Variants in KIF1C observed in about 807,000 individuals in gnomAD.
KIF1C encodes kinesin family member 1C.
KIF1C carries 61 observed loss-of-function variants against 126.5 expected under a neutral mutation model. The ratio of observed to expected loss-of-function variants is 0.48; its 90% confidence interval spans 0.39 to 0.60. The LOEUF (loss-of-function observed/expected upper bound fraction) is 0.60. Among genes scored for constraint, KIF1C ranks in the 20% least tolerant of loss-of-function variants. The probability of loss-of-function intolerance (pLI) is 0.00; values close to 1 mark genes in which losing one functional copy is unlikely to be tolerated. For missense variants in KIF1C, 1,315 were observed against 1,489.2 expected (o/e 0.88, Z 1.93); for synonymous variants, 640 against 580.6 (o/e 1.10, Z -1.47).
Position 5,027,168 on chromosome 17 carries a change from G to A in KIF1C, c.*3017G>A, listed in dbSNP as rs921177470. ...TTTTGAGACGGAGTCTCGCTCTGTTGCCTAGGCTGGAGTGCGATGGCACAA... is the reference window on the plus strand; with the variant it reads ...TTTTGAGACGGAGTCTCGCTCTGTTACCTAGGCTGGAGTGCGATGGCACAA... On this transcript the variant is annotated 3_prime_UTR_variant, in exon 23 of 23. Coordinates refer to ENST00000320785, the MANE Select transcript of KIF1C (RefSeq NM_006612.6). The A allele has an allele frequency of 1.3e-4, 20 of 152,128 alleles. No homozygotes were observed. Among genetic ancestry groups the A allele is most frequent in the African/African-American group, 4.6e-4 (19 of 41,410 alleles). The allele number at this position is 152,128 out of a possible 1,614,324, so 9.4% of individuals were successfully genotyped here. A position where few individuals can be genotyped will look rare whatever the true frequency, so the allele number is the denominator to read the frequency against.
In KIF1C at chr17:5,002,933, C is replaced by T. The variant is rs1974637408; in HGVS notation, c.720+91C>T. Reference sequence around the variant, plus strand: ...ATGGTAGAAGGGTCTTGGGCCCTCCCTGCCCATGCTGGGTTGAGTGCCTCC... The same window carrying T: ...ATGGTAGAAGGGTCTTGGGCCCTCCTTGCCCATGCTGGGTTGAGTGCCTCC... On this transcript the variant is annotated intron_variant, in intron 8 of 22. Transcript: ENST00000320785. 25 of 1,031,180 alleles carry T rather than the reference C, an allele frequency of 2.4e-5. No individual in the cohort carries two copies. The South Asian group carries it at 3.5e-4, about 15-fold the overall frequency. 63.9% of individuals were successfully genotyped at this position (1,031,180 alleles called of 1,614,324 possible). A position where few individuals can be genotyped will look rare whatever the true frequency, so the allele number is the denominator to read the frequency against.
At position 5,027,064 on chromosome 17, in the gene KIF1C, C is replaced by G. The variant is rs2143405052; in HGVS notation, c.*2913C>G. ...GCATTTGATTTAGTCTTTAAAGTAC[C>G]CCGGTAAAATAGGTCTTTTGTCTGC... On this transcript the variant is annotated 3_prime_UTR_variant, in exon 23 of 23. Coordinates refer to ENST00000320785, the MANE Select transcript of KIF1C (RefSeq NM_006612.6). The G allele has an allele frequency of 6.6e-6, 1 of 152,210 alleles. No homozygotes were observed. The highest frequency in any genetic ancestry group is 2.4e-5 in the African/African-American group (1 of 41,518). 9.4% of individuals were successfully genotyped at this position (152,210 alleles called of 1,614,324 possible).
intron 16 of KIF1C, among the ~76,000 whole-genome samples, chr17:5,008,427 C>G (rs1235890056): frequency 6.6e-6 from 1 of 152,168 alleles, no homozygotes; most frequent in Non-Finnish European, 1.5e-5. Flanking sequence ...CCAGTTCCAC[C>G]AGGGAACCAG....
At chr17:5,005,075 G>C in intron 13 of KIF1C, 75 bp downstream of exon 13, 1 of 1,589,984 alleles carries the variant, frequency 6.3e-7, no homozygotes, top group East Asian at 2.2e-5. Context: ...CCTTTGCCCA[G>C]TCCTGGAGCC....
At position 5,002,812 on chromosome 17, in the gene KIF1C, T is replaced by C. The variant is rs1974630397; in HGVS notation, c.690T>C (p.His230=). Residue 230 remains histidine, a synonymous_variant, in exon 8 of 23, where the codon CAT becomes CAC. Transcript: ENST00000320785. The stretch of plus-strand genomic sequence containing the variant: ...CCATCGTCTTCACACAGCGCTGCCA[T>C]GACCAGCTCACGGGGCTGGACTCGG... ...VFTIVFTQRC[H]DQLTGLDSEK... 2 of 1,612,380 alleles carry C rather than the reference T, an allele frequency of 1.2e-6. No homozygotes were observed. Among genetic ancestry groups the C allele is most frequent in the South Asian group, 1.1e-5 (1 of 91,026 alleles).
chr17:5,002,312 T>C (rs963665515), intron 6 of KIF1C, 152 bp from the exon 7 acceptor site: 15 of 921,822 alleles, frequency 1.6e-5, no homozygotes, highest in Non-Finnish European at 2.4e-5. Context: ...ACCTCCTGGC[T>C]TGTTGGGCAG....
At chr17:5,021,068 C>T (rs1401274040) in intron 21 of KIF1C, among the ~76,000 whole-genome samples, 190 bp downstream of exon 21, 2 of 152,014 alleles carry the variant, frequency 1.3e-5, no homozygotes, top group Non-Finnish European at 2.9e-5. Flanking sequence ...AAGGAAGATT[C>T]CTCCAGTTGA....
rs1011846597 is a variant in KIF1C at position 5,026,533 on chromosome 17, T to A, written c.*2382T>A. 1.3e-5 allele frequency: 2 copies of A among 152,546 alleles called. No individual in the cohort carries two copies. The highest frequency in any genetic ancestry group is 4.8e-5 in the African/African-American group (2 of 41,374). The allele number at this position is 152,546 out of a possible 1,614,324, so 9.4% of individuals were successfully genotyped here. ...GGGAGGCTGAGGCAGGAGGATCAGTTGAGTCCAGGAGTTCGAGACCAGCCT... is the reference window on the plus strand; with the variant it reads ...GGGAGGCTGAGGCAGGAGGATCAGTAGAGTCCAGGAGTTCGAGACCAGCCT... On this transcript the variant is annotated 3_prime_UTR_variant, in exon 23 of 23. Coordinates refer to ENST00000320785, the MANE Select transcript of KIF1C (RefSeq NM_006612.6).
intron 18 of KIF1C, among the ~76,000 whole-genome samples, chr17:5,017,705 G>A (rs1802410137): frequency 6.6e-6 from 1 of 152,062 alleles, no homozygotes; most frequent in African/African-American, 2.4e-5. Context: ...GGTTTTTACT[G>A]ACCATCTACT....
intron 18 of KIF1C, among the ~76,000 whole-genome samples, chr17:5,017,687 A>G (rs904090743): frequency 6.6e-6 from 1 of 152,170 alleles, no homozygotes; most frequent in Admixed American, 6.5e-5. Context: ...GTATGGATGT[A>G]GAAGAATGGT....
intron 5 of KIF1C, 48 bp downstream of exon 5, chr17:5,001,449 T>C: frequency 1.3e-6 from 2 of 1,570,054 alleles, no homozygotes; most frequent in Non-Finnish European, 1.7e-6. Context: ...CATCTTTAGC[T>C]GCCCTCTGAG....
intron 16 of KIF1C, among the ~76,000 whole-genome samples, chr17:5,008,315 C>A (rs1974780527): frequency 1.3e-5 from 2 of 152,154 alleles, no homozygotes; most frequent in East Asian, 1.9e-4. Flanking sequence ...ATATAGACAG[C>A]CAGCACCGCT....
chr17:5,012,509 T>C (rs566377254), intron 16 of KIF1C, among the ~76,000 whole-genome samples: 31 of 151,548 alleles, frequency 2.0e-4, no homozygotes, highest in Non-Finnish European at 3.8e-4. Context: ...CTTGGACAGA[T>C]GGACTGGAGC....
In KIF1C at chr17:5,024,095, C is replaced by T. The variant is rs750930666; in HGVS notation, c.3256C>T (p.Arg1086Ter). 6.2e-6 allele frequency: 10 copies of T among 1,609,830 alleles called. No individual in the cohort carries two copies. The highest frequency in any genetic ancestry group is 2.2e-5 in the East Asian group (1 of 44,664). ...CTACCCCCCATACACTACTCCCCCA[C>T]GAATGAGACGGCAGCGTTCTGCCCC... is the stretch of plus-strand genomic sequence containing the variant. ...PRYPPYTTPP[R>*]MRRQRSAPDL... Residue 1086 changes from arginine to a stop codon, truncating the protein, a stop_gained, in exon 23 of 23, where the codon CGA (arginine) becomes TGA (stop). Transcript: ENST00000320785. LOFTEE classifies it high-confidence loss of function.
At chr17:5,008,588 G>A (rs763342742) in intron 16 of KIF1C, among the ~76,000 whole-genome samples, 1 of 152,222 alleles carries the variant, frequency 6.6e-6, no homozygotes, top group Non-Finnish European at 1.5e-5. Context: ...GTAAAGTCAG[G>A]TCCATCTGGG....
rs550032945 is a variant in KIF1C, at chr17:5,023,164, A to G, written c.2629-304A>G. Reference sequence around the variant, plus strand: ...TGAGTAGCTGGGACTACAGGCGCGCACCACCACACCCGGCTAATTTTTTTT... The same window carrying G: ...TGAGTAGCTGGGACTACAGGCGCGCGCCACCACACCCGGCTAATTTTTTTT... On this transcript the variant is annotated intron_variant, in intron 22 of 22. Transcript: ENST00000320785. The surrounding 1 kb of genome is among the most constrained non-coding windows in gnomAD (Gnocchi z 4.2). Among the ~76,000 whole-genome samples the G allele has an allele frequency of 3.4e-5, 5 of 148,576 alleles. No individual in the cohort carries two copies. Among genetic ancestry groups the G allele is most frequent in the East Asian group, 1.9e-4 (1 of 5,134 alleles).
chr17:4,998,905 T>C (rs1177527658), intron 1 of KIF1C: 1 of 152,408 alleles, frequency 6.6e-6, no homozygotes, highest in Admixed American at 6.5e-5. Flanking sequence ...TCACCCACAT[T>C]CCTGGGCTCC....
At chr17:5,008,481 C>T (rs1456540420) in intron 16 of KIF1C, among the ~76,000 whole-genome samples, 1 of 152,172 alleles carries the variant, frequency 6.6e-6, no homozygotes, top group African/African-American at 2.4e-5. Context: ...GAGGATCAGG[C>T]CCTAAGTCAG....
Position 5,000,711 on chromosome 17 carries a change from G to C in KIF1C, c.107-61G>C, listed in dbSNP as rs1037182231. The C allele has an allele frequency of 2.1e-5, 31 of 1,475,280 alleles. No individual in the cohort carries two copies. The Middle Eastern group carries it at 1.2e-3, about 58-fold the overall frequency. The allele number at this position is 1,475,280 out of a possible 1,614,324, so 91.4% of individuals were successfully genotyped here. ...GGATTCCAGGGGCTGGTTGGGGTAT[G>C]GGCAGGGACTGGGAATACCTGACCT... On this transcript the variant is annotated intron_variant, in intron 3 of 22. Transcript: ENST00000320785.
Sources: allele counts gnomAD v4.1 joint callset (sites outside exome capture counted in the v4.1 genomes callset), GRCh38; gene constraint gnomAD v4.1.1; non-coding constraint Gnocchi (gnomAD v3.1); transcripts MANE v1.5; gene names NCBI Gene and HGNC (gene_info 2026-07-23, HGNC 2026-07-21).